Variants in EPM2A observed in about 807,000 individuals in gnomAD.
EPM2A encodes EPM2A glucan phosphatase, laforin.
A neutral mutation model predicts 26.5 loss-of-function variants in EPM2A; 21 were observed. That is an observed-to-expected ratio of 0.79 (90% confidence interval 0.56 to 1.14). The LOEUF is 1.14. Ranked by LOEUF, EPM2A falls within the 50% of genes most tolerant of loss-of-function variation. EPM2A has a pLI of 0.00. For missense variants in EPM2A, 458 were observed against 440.8 expected, an observed-to-expected ratio of 1.04 and a Z score of -0.35; for synonymous variants, 217 against 177.6, an observed-to-expected ratio of 1.22 and a Z score of -1.76.
intron 2 of EPM2A, among the ~76,000 whole-genome samples, chr6:145,571,081 G>T (rs1303637142): frequency 6.6e-6 from 1 of 152,172 alleles, no homozygotes; most frequent in African/African-American, 2.4e-5. Context: ...ACGGGAAAAA[G>T]AAGCAAACAT....
intron 2 of EPM2A, among the ~76,000 whole-genome samples, chr6:145,652,785 C>T (rs529760241): frequency 1.5e-4 from 23 of 152,056 alleles, no homozygotes; most frequent in African/African-American, 5.5e-4. Context: ...TGTCTTGCAA[C>T]TCTTGAAGAG....
intron 4 of EPM2A, among the ~76,000 whole-genome samples, chr6:145,402,639 GT>G (rs1190414591): frequency 6.6e-6 from 1 of 152,096 alleles, no homozygotes; most frequent in African/African-American, 2.4e-5. Flanking sequence ...GGAAAATCAT[GT>G]TTTCAGTTTA....
intron 1 of EPM2A, among the ~76,000 whole-genome samples, chr6:145,691,781 T>TA (rs1325771396): frequency 4.0e-5 from 6 of 151,856 alleles, no homozygotes; most frequent in East Asian, 3.9e-4. Context: ...AACAGAATTC[T>TA]AAAAAAATGT....
chr6:145,634,614 A>G (rs1389985546), intron 3 of EPM2A: 1 of 152,896 alleles, frequency 6.5e-6, no homozygotes, highest in Non-Finnish European at 1.5e-5. Context: ...CAAATCCTGC[A>G]GGATCATCTT....
intron 2 of EPM2A, among the ~76,000 whole-genome samples, chr6:145,509,694 A>G (rs1479523636): frequency 2.0e-5 from 3 of 152,222 alleles, no homozygotes; most frequent in Admixed American, 6.5e-5. Flanking sequence ...CAAATCAATT[A>G]GCTAAAAGCA....
chr6:145,507,659 C>T (rs899563369), intron 2 of EPM2A, among the ~76,000 whole-genome samples: 2 of 152,230 alleles, frequency 1.3e-5, no homozygotes, highest in African/African-American at 4.8e-5. Context: ...GTAGCCACAG[C>T]AGGCATTTAA....
At chr6:145,635,974 C>A (rs1776651423) in intron 2 of EPM2A, 2 of 179,432 alleles carry the variant, frequency 1.1e-5, no homozygotes, top group African/African-American at 4.8e-5. Flanking sequence ...AGCTAAAAAA[C>A]AACAGACTTC....
intron 4 of EPM2A, among the ~76,000 whole-genome samples, chr6:145,401,812 G>A (rs72994723): frequency 0.43 from 65,608 of 151,910 alleles, 14,492 homozygotes; most frequent in East Asian, 0.66. Flanking sequence ...TATGGGAGCC[G>A]CCTCAAGTGG....
chr6:145,448,348 A>G (rs1479772985), intron 4 of EPM2A, among the ~76,000 whole-genome samples: 2 of 152,074 alleles, frequency 1.3e-5, no homozygotes, highest in African/African-American at 4.8e-5. Context: ...CAAATTTTCC[A>G]TGGAGACTAC....
chr6:145,412,352 T>C (rs983404428), intron 4 of EPM2A, among the ~76,000 whole-genome samples: 1 of 152,154 alleles, frequency 6.6e-6, no homozygotes, highest in African/African-American at 2.4e-5. Context: ...CACACATTCC[T>C]CACAAATATC....
downstream of EPM2A, among the ~76,000 whole-genome samples, chr6:145,500,163 G>C (rs1779870824): frequency 6.6e-6 from 1 of 152,170 alleles, no homozygotes; most frequent in Non-Finnish European, 1.5e-5. Context: ...GAATTTTCTT[G>C]AAAGCTATAG....
chr6:145,526,786 T>C (rs1192700306), intron 2 of EPM2A, among the ~76,000 whole-genome samples: 1 of 152,096 alleles, frequency 6.6e-6, no homozygotes, highest in African/African-American at 2.4e-5. Flanking sequence ...TTTCATTCAG[T>C]TTTGCCTGAT....
chr6:145,643,283 T>A (rs1208548604), intron 2 of EPM2A, among the ~76,000 whole-genome samples: 2 of 152,212 alleles, frequency 1.3e-5, no homozygotes, highest in Non-Finnish European at 2.9e-5. Flanking sequence ...AGACTCAGAG[T>A]TCATCAACAT....
intron 1 of EPM2A, chr6:145,721,089 G>C (rs1775926263): frequency 6.6e-6 from 1 of 152,270 alleles, no homozygotes; most frequent in Admixed American, 6.5e-5. Context: ...CTTGAGCCTG[G>C]GAGGCAGAGG....
intron 2 of EPM2A, among the ~76,000 whole-genome samples, chr6:145,589,442 T>A (rs1781240514): frequency 6.6e-6 from 1 of 152,036 alleles, no homozygotes; most frequent in South Asian, 2.1e-4. Flanking sequence ...GACAGAGGGA[T>A]TTTGTGAAAG....
chr6:145,598,231 ATC>A (rs574032593), intron 2 of EPM2A, among the ~76,000 whole-genome samples: 92 of 152,236 alleles, frequency 6.0e-4, no homozygotes, highest in African/African-American at 2.0e-3. Flanking sequence ...CCTCACCAGC[ATC>A]TGTTATTTTT....
At chr6:145,735,682 A>C (rs1776840825), upstream of EPM2A, 2 of 1,067,752 alleles carry the variant, frequency 1.9e-6, no homozygotes, top group Non-Finnish European at 2.3e-6. Context: ...GACTTCGTCC[A>C]GGCCGGCGGG....
intron 4 of EPM2A, among the ~76,000 whole-genome samples, chr6:145,456,064 T>C (rs962062773): frequency 1.3e-5 from 2 of 152,168 alleles, no homozygotes; most frequent in African/African-American, 4.8e-5. Context: ...TGTTGTGTTG[T>C]TCTTATTGTA....
At chr6:145,424,495 T>C (rs1778827703) in intron 4 of EPM2A, among the ~76,000 whole-genome samples, 1 of 152,190 alleles carries the variant, frequency 6.6e-6, no homozygotes, top group African/African-American at 2.4e-5. Context: ...TGTATTCTAC[T>C]GTGTGAAGAA....
Sources: allele counts gnomAD v4.1 joint callset (sites outside exome capture counted in the v4.1 genomes callset), GRCh38; gene constraint gnomAD v4.1.1; transcripts MANE v1.5; gene names NCBI Gene and HGNC (gene_info 2026-07-23, HGNC 2026-07-21).